PTGR1: variants seen among roughly 807,000 people sequenced by gnomAD.
PTGR1 encodes the protein prostaglandin reductase 1.
PTGR1 carries 23 observed loss-of-function variants against 37.7 expected under a neutral mutation model. That is an observed-to-expected ratio of 0.61 (90% confidence interval 0.44 to 0.86). The LOEUF is 0.86. Among genes scored for constraint, PTGR1 ranks in the 40% least tolerant of loss-of-function variants. The pLI is 0.00. For synonymous variants in PTGR1, 134 were observed against 140.0 expected (o/e 0.96, Z 0.30); for missense variants, 351 against 394.3 (o/e 0.89, Z 0.93).
At chr9:111,591,677 G>A (rs1374958364) in intron 4 of PTGR1, among the ~76,000 whole-genome samples, 2 of 152,052 alleles carry the variant, frequency 1.3e-5, no homozygotes, top group African/African-American at 4.8e-5. Flanking sequence ...CACAATTTTT[G>A]AAATAATAAT....
At chr9:111,589,226 T>C (rs1171942421) in intron 4 of PTGR1, 1 of 204,456 alleles carries the variant, frequency 4.9e-6, no homozygotes. Context: ...AAACTGTTAA[T>C]GGGATATAAG....
intron 9 of PTGR1, among the ~76,000 whole-genome samples, chr9:111,567,590 G>A (rs929020358): frequency 2.6e-5 from 4 of 152,202 alleles, no homozygotes; most frequent in Admixed American, 2.0e-4. Flanking sequence ...TGAATACTAA[G>A]AAATGAAATC....
intron 9 of PTGR1, among the ~76,000 whole-genome samples, chr9:111,552,241 A>T (rs576446269): frequency 6.6e-6 from 1 of 152,336 alleles, no homozygotes; most frequent in South Asian, 2.1e-4. Flanking sequence ...TTTGTAAGTC[A>T]TCCAGGTAAC....
downstream of PTGR1, among the ~76,000 whole-genome samples, chr9:111,562,276 CTTTT>C (rs35900341): frequency 7.1e-6 from 1 of 140,494 alleles, no homozygotes; most frequent in Non-Finnish European, 1.5e-5. Context: ...AAGCAGTAAA[CTTTT>C]TTTTTTTTTT....
rs1405806585 is a variant in PTGR1, at chr9:111,563,040, G to A, written c.*81C>T. 1.9e-6 allele frequency: 3 copies of A among 1,547,954 alleles called. No individual in the cohort carries two copies. The highest frequency in any genetic ancestry group is 2.6e-6 in the Non-Finnish European group (3 of 1,147,408). On this transcript the variant is annotated 3_prime_UTR_variant, in exon 10 of 10. Coordinates refer to ENST00000407693, the MANE Select transcript of PTGR1 (RefSeq NM_001146108.2). ...AGTACTATTTCTTAAGACATTTAAG[G>A]TAGTATACATTTTTGCTAAATGGTG...
At chr9:111,561,870 G>GT (rs995037875), downstream of PTGR1, among the ~76,000 whole-genome samples, 9 of 152,018 alleles carry the variant, frequency 5.9e-5, no homozygotes, top group African/African-American at 1.9e-4. Flanking sequence ...TTATGCTGTT[G>GT]TTTTTTTGTT....
intron 9 of PTGR1, among the ~76,000 whole-genome samples, chr9:111,552,941 T>A (rs1260354367): frequency 1.3e-5 from 2 of 152,228 alleles, no homozygotes; most frequent in African/African-American, 4.8e-5. Context: ...GATAAAGTGA[T>A]AATTTCTTCA....
At chr9:111,561,618 A>G (rs1449642999), downstream of PTGR1, among the ~76,000 whole-genome samples, 2 of 152,160 alleles carry the variant, frequency 1.3e-5, no homozygotes, top group Admixed American at 6.5e-5. Context: ...TTGTAGATGT[A>G]TAGACATTCC....
In PTGR1 at chr9:111,592,986, C is replaced by CAAAAA. The variant is rs58142522; in HGVS notation, c.153-9_153-5dup. 2.3e-4 allele frequency: 220 copies of CAAAAA among 961,234 alleles called. No homozygotes were observed. Among genetic ancestry groups the CAAAAA allele is most frequent in the African/African-American group, 1.5e-3 (45 of 29,996 alleles). 59.5% of individuals were successfully genotyped at this position (961,234 alleles called of 1,614,324 possible). A position where few individuals can be genotyped will look rare whatever the true frequency, so the allele number is the denominator to read the frequency against. Reference sequence around the variant, plus strand: ...CTTCAATCTTTTGGCTGCCACTCTGCAAAAAAAAAAAAAAAAAAAAAAAAA... The same window carrying CAAAAA: ...CTTCAATCTTTTGGCTGCCACTCTGCAAAAAAAAAAAAAAAAAAAAAAAAAAAAAA... On this transcript the variant is annotated splice_polypyrimidine_tract_variant and splice_region_variant and intron_variant, in intron 3 of 9. Coordinates refer to ENST00000407693, the MANE Select transcript of PTGR1 (RefSeq NM_001146108.2).
At chr9:111,581,793 A>G (rs949906470) in intron 6 of PTGR1, among the ~76,000 whole-genome samples, 2 of 152,148 alleles carry the variant, frequency 1.3e-5, no homozygotes, top group African/African-American at 4.8e-5. Flanking sequence ...TGAATTCTAT[A>G]TGCATCAAAA....
chr9:111,576,424 C>A, intron 7 of PTGR1: 1 of 1,614,070 alleles, frequency 6.2e-7, no homozygotes, highest in Non-Finnish European at 8.5e-7. Flanking sequence ...AGACCATGCT[C>A]TGCCTTCTTG....
chr9:111,561,196 C>CGCACCA (rs1828311771), downstream of PTGR1, among the ~76,000 whole-genome samples: 1 of 123,548 alleles, frequency 8.1e-6, no homozygotes, highest in African/African-American at 3.1e-5. Context: ...AGAGATTCTT[C>CGCACCA]CTGTCCAAGA....
chr9:111,561,108 T>TAGAG (rs1468727296), downstream of PTGR1, among the ~76,000 whole-genome samples: 487 of 20,836 alleles, frequency 0.023, 57 homozygotes, highest in Non-Finnish European at 0.029. Flanking sequence ...TATATATATA[T>TAGAG]ATAGAGAGAG....
chr9:111,595,188 C>A (rs1479182887), intron 2 of PTGR1, among the ~76,000 whole-genome samples: 1 of 152,070 alleles, frequency 6.6e-6, no homozygotes, highest in Admixed American at 6.6e-5. Context: ...ACAGATAATA[C>A]TTCTGCTTCA....
At position 111,562,856 on chromosome 9, in the gene PTGR1, A is replaced by G; in HGVS notation, c.*265T>C. The G allele has an allele frequency of 1.0e-6, 1 of 984,144 alleles. No homozygotes were observed. The highest frequency in any genetic ancestry group is 1.3e-6 in the Non-Finnish European group (1 of 759,404). The allele number at this position is 984,144 out of a possible 1,614,324, so 61.0% of individuals were successfully genotyped here. ...GAATGAAAACATACAGTGTTTGGAA[A>G]ATTTTCACACTTCAAAGCCATTATT... On this transcript the variant is annotated 3_prime_UTR_variant, in exon 10 of 10. Transcript: ENST00000407693.
At chr9:111,563,294 C>A in intron 9 of PTGR1, 63 bp from the exon 10 acceptor site, 1 of 1,444,964 alleles carries the variant, frequency 6.9e-7, no homozygotes. Flanking sequence ...ATACTGTTCT[C>A]ATCCTAGCAA....
chr9:111,553,482 T>C (rs1310480821), intron 9 of PTGR1, among the ~76,000 whole-genome samples: 1 of 152,248 alleles, frequency 6.6e-6, no homozygotes, highest in African/African-American at 2.4e-5. Context: ...ATAGGTATAC[T>C]CTATCTTGTG....
In PTGR1 at chr9:111,597,384, A is replaced by G. The variant is rs116780611; in HGVS notation, c.39T>C (p.Phe13=). 13 of 1,613,628 alleles carry G rather than the reference A, an allele frequency of 8.1e-6. No individual in the cohort carries two copies. In the African/African-American group the frequency reaches 1.1e-4, roughly 13 times the overall value. The change falls in exon 2 of 10, where the codon TTT becomes TTC. Residue 13 remains phenylalanine (F), a synonymous_variant. Coordinates refer to ENST00000407693, the MANE Select transcript of PTGR1 (RefSeq NM_001146108.2). ...RTKTWTLKKH[F]VGYPTNSDFE... is the part of the protein sequence containing the mutation. ...AGTCACTATTAGTAGGATAGCCAAC[A>G]AAGTGCTTCTTCAGGGTCCATGTCT...
At chr9:111,591,440 G>A (rs1829619691) in intron 4 of PTGR1, among the ~76,000 whole-genome samples, 1 of 146,854 alleles carries the variant, frequency 6.8e-6, no homozygotes, top group Admixed American at 6.8e-5. Flanking sequence ...GGTGCAATCG[G>A]CTCACTGCAA....
Sources: gnomAD v4.1 joint callset for allele counts (sites outside exome capture counted in the v4.1 genomes callset) on GRCh38, gnomAD v4.1.1 for gene constraint, MANE v1.5 for transcripts, NCBI Gene and HGNC (gene_info 2026-07-23, HGNC 2026-07-21) for gene names.